Variants in SIK3 observed in about 807,000 individuals in gnomAD.
SIK3 encodes serine/threonine-protein kinase SIK3.
SIK3 carries 28 observed loss-of-function variants against 144.2 expected under a neutral mutation model. That is an observed-to-expected ratio of 0.19 (90% CI 0.14 to 0.27). The LOEUF (loss-of-function observed/expected upper bound fraction) is 0.27, where lower values mean the gene tolerates loss of function less well. SIK3 is among the 10% of genes least tolerant of loss of function. The pLI is 1.00. For synonymous variants in SIK3, 686 were observed against 676.3 expected, an observed-to-expected ratio of 1.01 and a Z score of -0.22; for missense variants, 1,319 against 1,776.0, an observed-to-expected ratio of 0.74 and a Z score of 4.62.
At position 117,035,875 on chromosome 11, in the gene SIK3, G is replaced by A. The variant is rs547291867; in HGVS notation, c.273+62268C>T. ...CTGTAGGCTGGCAGAGGACAGTGGA[G>A]CAGCCAACACACAAAACTACCGTTT... is the stretch of plus-strand genomic sequence containing the variant. On this transcript the variant is annotated intron_variant, in intron 1 of 24. Transcript: ENST00000445177. 2.5e-5 allele frequency: 40 copies of A among 1,595,982 alleles called. 1 individual carries two copies. The Middle Eastern group carries it at 9.0e-4, about 36-fold the overall frequency.
chr11:116,912,906 C>G (rs1044815267), intron 4 of SIK3, among the ~76,000 whole-genome samples: 2 of 152,134 alleles, frequency 1.3e-5, no homozygotes, highest in African/African-American at 4.8e-5. Context: ...AAGATCAAGA[C>G]TGGTGTAAGA....
chr11:116,951,614 G>A (rs1948939597), intron 3 of SIK3, among the ~76,000 whole-genome samples: 1 of 152,088 alleles, frequency 6.6e-6, no homozygotes, highest in African/African-American at 2.4e-5. Flanking sequence ...TTCACATGAA[G>A]TCCAGGACCA....
chr11:117,011,224 T>TC (rs969565793), intron 1 of SIK3, among the ~76,000 whole-genome samples: 1 of 152,102 alleles, frequency 6.6e-6, no homozygotes, highest in Admixed American at 6.6e-5. Context: ...CCTTTTTTTT[T>TC]CCCCCTGTAA....
intron 1 of SIK3, among the ~76,000 whole-genome samples, chr11:117,007,078 AT>A (rs1188186800): frequency 1.3e-5 from 2 of 152,184 alleles, no homozygotes; most frequent in African/African-American, 4.8e-5. Context: ...ACAGTTTTAT[AT>A]TGAAAATAAA....
At chr11:116,948,362 T>C (rs764430653) in intron 3 of SIK3, among the ~76,000 whole-genome samples, 5 of 151,950 alleles carry the variant, frequency 3.3e-5, no homozygotes, top group Admixed American at 1.3e-4. Flanking sequence ...ACTGCAGCCT[T>C]GACATCCTGG....
At chr11:117,063,610 G>A (rs1169487452) in intron 1 of SIK3, among the ~76,000 whole-genome samples, 1 of 147,960 alleles carries the variant, frequency 6.8e-6, no homozygotes, top group Non-Finnish European at 1.5e-5. Context: ...TTTTTAGATG[G>A]AATCTCACCC....
chr11:116,860,341 GA>G (rs1943252244), intron 19 of SIK3, among the ~76,000 whole-genome samples: 1 of 152,126 alleles, frequency 6.6e-6, no homozygotes, highest in African/African-American at 2.4e-5. Flanking sequence ...CTTTAAGTAG[GA>G]AGAGCCTAGA....
chr11:116,848,042 C>CGG (rs1013885718), intron 22 of SIK3, among the ~76,000 whole-genome samples: 14 of 152,074 alleles, frequency 9.2e-5, no homozygotes, highest in African/African-American at 3.4e-4. Flanking sequence ...GGGCTGGGCA[C>CGG]GGTGGCTCAT....
chr11:117,090,551 A>G (rs766719235), intron 1 of SIK3, among the ~76,000 whole-genome samples: 23 of 152,382 alleles, frequency 1.5e-4, no homozygotes, highest in Non-Finnish European at 1.2e-4. Context: ...TCTAAGAAAC[A>G]TACCCTCAAA....
intron 4 of SIK3, among the ~76,000 whole-genome samples, chr11:116,913,206 T>C (rs1239168894): frequency 3.3e-5 from 5 of 152,120 alleles, no homozygotes; most frequent in Admixed American, 3.3e-4. Context: ...CTGGCTGAAC[T>C]TCCTCACTAG....
chr11:116,855,083 C>CAAAAAAAAAA lies in SIK3; in HGVS notation c.3655+2717_3655+2726dup, dbSNP rs528405922. Among the ~76,000 whole-genome samples the CAAAAAAAAAA allele has an allele frequency of 6.3e-4, 52 of 82,086 alleles. 5 individuals are homozygous for CAAAAAAAAAA. The highest frequency in any genetic ancestry group is 3.3e-3 in the African/African-American group (46 of 13,892). The allele number at this position is 82,086 out of a possible 152,430, so 53.9% of individuals were successfully genotyped here. ...CATGGGTGACAGTGTGAGACTCTGCCAAAAAAAAAAAAAAAAAAAAAAAAA... is the reference window on the plus strand; with the variant it reads ...CATGGGTGACAGTGTGAGACTCTGCCAAAAAAAAAAAAAAAAAAAAAAAAAAAAAAAAAAA... On this transcript the variant is annotated intron_variant, in intron 21 of 24. Coordinates refer to ENST00000445177, the MANE Select transcript of SIK3 (RefSeq NM_001366686.3).
chr11:117,089,642 C>A (rs1051260463), intron 1 of SIK3, among the ~76,000 whole-genome samples: 2 of 152,100 alleles, frequency 1.3e-5, no homozygotes, highest in African/African-American at 4.8e-5. Flanking sequence ...ACATTCAATT[C>A]TGGGGGGAGC....
At chr11:117,027,637 A>AT (rs1048547406) in intron 1 of SIK3, among the ~76,000 whole-genome samples, 10 of 149,676 alleles carry the variant, frequency 6.7e-5, no homozygotes, top group Admixed American at 1.3e-4. Flanking sequence ...TAACTTTTGT[A>AT]TTTTTTTTTA....
In SIK3 at chr11:116,843,504, A is replaced by G. The variant is rs547538390; in HGVS notation, c.*2139T>C. 3 of 152,346 alleles carry G rather than the reference A, an allele frequency of 2.0e-5. No homozygotes were observed. Among genetic ancestry groups the G allele is most frequent in the African/African-American group, 4.8e-5 (2 of 41,586 alleles). 9.4% of individuals were successfully genotyped at this position (152,346 alleles called of 1,614,324 possible). ...GACATTTTCAAAGAACAGAAATAGG[A>G]AAGTATGTTCATATACATTCAACGT... On this transcript the variant is annotated 3_prime_UTR_variant, in exon 25 of 25. Transcript: ENST00000445177.
In SIK3 at chr11:117,075,739, T is replaced by C. The variant is rs574026548; in HGVS notation, c.273+22404A>G. 7.3e-5 allele frequency among the ~76,000 whole-genome samples: 11 copies of C among 151,440 alleles called. No homozygotes were observed. The South Asian group carries it at 2.3e-3, about 32-fold the overall frequency. Reference sequence around the variant, plus strand: ...TTTTTATTTTTAGTAGAGATGGGGTTTCACAGTGTTAGCCAAGATGGTCTC... The same window carrying C: ...TTTTTATTTTTAGTAGAGATGGGGTCTCACAGTGTTAGCCAAGATGGTCTC... On this transcript the variant is annotated intron_variant, in intron 1 of 24. Transcript: ENST00000445177.
At chr11:116,982,943 C>CAAAAAA (rs35698580) in intron 1 of SIK3, among the ~76,000 whole-genome samples, 12 of 69,862 alleles carry the variant, frequency 1.7e-4, no homozygotes, top group African/African-American at 6.2e-4. Flanking sequence ...GACTCCGTCT[C>CAAAAAA]AAAAAAAAAA....
intron 1 of SIK3, among the ~76,000 whole-genome samples, chr11:116,958,698 C>T (rs1207397627): frequency 6.6e-6 from 1 of 152,172 alleles, no homozygotes; most frequent in African/African-American, 2.4e-5. Context: ...CTGGGATAGG[C>T]AGAGAAGAAG....
chr11:117,011,729 T>G (rs1951268504), intron 1 of SIK3, among the ~76,000 whole-genome samples: 1 of 152,106 alleles, frequency 6.6e-6, no homozygotes, highest in Admixed American at 6.6e-5. Context: ...TATACTCCCT[T>G]GGGAGCTTGG....
At chr11:116,959,847 T>C (rs542475030) in intron 1 of SIK3, among the ~76,000 whole-genome samples, 2 of 152,310 alleles carry the variant, frequency 1.3e-5, no homozygotes, top group African/African-American at 4.8e-5. Flanking sequence ...TCAAGAAATA[T>C]CTGTACTAGC....
Sources: allele counts gnomAD v4.1 joint callset (sites outside exome capture counted in the v4.1 genomes callset), GRCh38; gene constraint gnomAD v4.1.1; transcripts MANE v1.5; gene names NCBI Gene and HGNC (gene_info 2026-07-23, HGNC 2026-07-21).